Variants in PZP observed in about 807,000 individuals in gnomAD.
PZP encodes pregnancy zone protein.
In PZP, 150 loss-of-function variants were observed where a neutral mutation model predicts 179.8. That is an observed-to-expected ratio of 0.83 (90% CI 0.73 to 0.96). The LOEUF (loss-of-function observed/expected upper bound fraction) is 0.96, where lower values mean the gene tolerates loss of function less well. Ranked by LOEUF, PZP falls within the 40% of genes least tolerant of loss-of-function variation. The pLI is 0.00. For synonymous variants in PZP, 624 were observed against 652.3 expected, an observed-to-expected ratio of 0.96 and a Z score of 0.66; for missense variants, 1,689 against 1,764.0, an observed-to-expected ratio of 0.96 and a Z score of 0.76.
intron 33 of PZP, 114 bp from the exon 34 acceptor site, chr12:9,150,860 C>G (rs1940305689): frequency 1.0e-5 from 7 of 697,216 alleles, no homozygotes; most frequent in Non-Finnish European, 1.7e-5. Context: ...TTTAGGTGAC[C>G]AGACATTTGT....
chr12:9,161,910 T>C (rs1293931670), intron 22 of PZP, among the ~76,000 whole-genome samples: 1 of 152,200 alleles, frequency 6.6e-6, no homozygotes, highest in African/African-American at 2.4e-5. Flanking sequence ...AGACTATCTC[T>C]TGGGATTCAA....
At position 9,154,693 on chromosome 12, in the gene PZP, C is replaced by A; in HGVS notation, c.3697G>T (p.Asp1233Tyr). The change falls in exon 29 of 36, where the codon GAC (aspartate) becomes TAC (tyrosine). Residue 1233 changes from aspartate to tyrosine, a missense_variant. Transcript: ENST00000261336. ...ACAATGTTAGTTGCAGAGGTCAGGT[C>A]CCCTGAGGTGGGGGCTGGCTGGGCC... The part of the protein sequence containing the change: ...LTAQPAPTSG[D>Y]LTSATNIVKW... The A allele has an allele frequency of 6.2e-7, 1 of 1,614,144 alleles. No individual in the cohort carries two copies. The highest frequency in any genetic ancestry group is 1.6e-4 in the Middle Eastern group (1 of 6,062).
At chr12:9,167,160 T>C (rs1266790013) in intron 17 of PZP, 1 of 152,226 alleles carries the variant, frequency 6.6e-6, no homozygotes, top group Non-Finnish European at 1.5e-5. Flanking sequence ...ACTCTTATCT[T>C]AAATATTGAA....
rs747063816 is a variant in PZP, at chr12:9,196,672, C to T, written c.881G>A (p.Gly294Asp). 4 of 1,609,520 alleles carry T rather than the reference C, an allele frequency of 2.5e-6. No homozygotes were observed. In the South Asian group the frequency reaches 3.3e-5, roughly 13 times the overall value. ...EEFSQQLNSN[G>D]CITQQVHTKM... ...GGTGTGTACTTGTTGGGTGATGCAG[C>T]CATTGCTGTTAAGCTGAGAAAAATA... is the stretch of plus-strand genomic sequence containing the variant. The change falls in exon 9 of 36, where the codon GGC (glycine) becomes GAC (aspartate). Residue 294 changes from glycine to aspartate, a missense_variant. Coordinates refer to ENST00000261336, the MANE Select transcript of PZP (RefSeq NM_002864.3).
At chr12:9,203,378 G>A (rs1288662886) in intron 2 of PZP, among the ~76,000 whole-genome samples, 12 of 118,594 alleles carry the variant, frequency 1.0e-4, no homozygotes, top group African/African-American at 4.0e-4. Flanking sequence ...GTCTCGCTCT[G>A]TCGCCCAGGC....
chr12:9,200,811 A>G (rs1300127320), intron 6 of PZP, 81 bp downstream of exon 6: 3 of 1,418,322 alleles, frequency 2.1e-6, no homozygotes, highest in Admixed American at 2.1e-5. Context: ...CAACATATCT[A>G]CAGGAAATTC....
intron 13 of PZP, among the ~76,000 whole-genome samples, chr12:9,187,098 A>T (rs1418812738): frequency 2.0e-5 from 3 of 149,578 alleles, no homozygotes; most frequent in Non-Finnish European, 4.5e-5. Context: ...AAAAAAGACA[A>T]GAGAATTGCA....
chr12:9,140,134 C>G, the PZP span, among the ~76,000 whole-genome samples: 1 of 152,140 alleles, frequency 6.6e-6, no homozygotes, highest in Admixed American at 6.5e-5. Context: ...CTGACATTAG[C>G]CATTAGGCTG....
intron 10 of PZP, 121 bp from the exon 11 acceptor site, chr12:9,194,359 C>G (rs1943627516): frequency 1.2e-6 from 1 of 818,068 alleles, no homozygotes; most frequent in African/African-American, 1.7e-5. Context: ...AAAAACCCCA[C>G]CAAACCTTCA....
In PZP at chr12:9,197,012, C is replaced by T. The variant is rs751614399; in HGVS notation, c.867G>A (p.Gln289=). Residue 289 remains glutamine (Q), a splice_region_variant and synonymous_variant, in exon 8 of 36, where the codon CAG becomes CAA. Coordinates refer to ENST00000261336, the MANE Select transcript of PZP (RefSeq NM_002864.3). ...CTGAGGGAGAATACCGCCTACTAAC[C>T]TGTTGACTGAATTCCTCACAGACCT... ...KQEVCEEFSQ[Q]LNSNGCITQQ... 6.3e-6 allele frequency: 10 copies of T among 1,596,238 alleles called. No homozygotes were observed. The highest frequency in any genetic ancestry group is 1.1e-5 in the South Asian group (1 of 90,616).
Position 9,200,377 on chromosome 12 carries a change from T to G in PZP, c.742A>C (p.Thr248Pro). 1.2e-6 allele frequency: 2 copies of G among 1,606,372 alleles called. No homozygotes were observed. The highest frequency in any genetic ancestry group is 4.5e-5 in the East Asian group (2 of 44,776). The change falls in exon 7 of 36, where the codon ACA becomes CCA. Residue 248 changes from threonine (T) to proline (P), a missense_variant. Coordinates refer to ENST00000261336, the MANE Select transcript of PZP (RefSeq NM_002864.3). ...ISIMDEKVNITVCGEYTYGKP... is the reference protein window; with the variant it reads ...ISIMDEKVNIPVCGEYTYGKP... ...AATGTAACTCACTCTCCACAGACTG[T>G]TATGTTCACTTTTTCATCCATGATA...
chr12:9,180,899 C>T (rs1473316396), intron 15 of PZP, 84 bp downstream of exon 15: 7 of 1,450,404 alleles, frequency 4.8e-6, no homozygotes, highest in African/African-American at 2.9e-5. Context: ...GCAACCTACT[C>T]ATCTGACAAA....
At chr12:9,176,492 A>G (rs747394548) in intron 15 of PZP, among the ~76,000 whole-genome samples, 18 of 152,244 alleles carry the variant, frequency 1.2e-4, no homozygotes, top group Non-Finnish European at 1.5e-4. Context: ...AATAAAACGC[A>G]GTCCATATTC....
At chr12:9,168,789 T>C in intron 17 of PZP, 80 bp downstream of exon 17, 1 of 1,063,022 alleles carries the variant, frequency 9.4e-7, no homozygotes, top group Non-Finnish European at 1.4e-6. Flanking sequence ...GAAATAGGGC[T>C]ACATTACCTC....
Position 9,152,898 on chromosome 12 carries a change from T to G in PZP, c.4047A>C (p.Leu1349Phe), listed in dbSNP as rs1360307333. 10 of 1,614,174 alleles carry G rather than the reference T, an allele frequency of 6.2e-6. No homozygotes were observed. The highest frequency in any genetic ancestry group is 8.5e-6 in the Non-Finnish European group (10 of 1,180,022). ...AAGTTTGGGGCACAGTCTGCACTTT[T>G]AAAGCAAATGGGGAGTCCTCTTTCT... The part of the protein sequence containing the change: ...LPEKEDSPFA[L>F]KVQTVPQTCD... Residue 1349 changes from leucine to phenylalanine, a missense_variant, in exon 31 of 36, where the codon TTA (leucine) becomes TTC (phenylalanine). Leu to Phe is a conservative substitution (Grantham distance 22). Coordinates refer to ENST00000261336, the MANE Select transcript of PZP (RefSeq NM_002864.3).
chr12:9,139,196 A>G, the PZP span, among the ~76,000 whole-genome samples: 3 of 151,998 alleles, frequency 2.0e-5, no homozygotes, highest in Non-Finnish European at 1.5e-5. Flanking sequence ...TGACTTTTCA[A>G]GAGTCTGTTG....
intron 7 of PZP, 85 bp downstream of exon 7, chr12:9,200,279 A>T (rs1592563808): frequency 1.1e-6 from 1 of 890,324 alleles, no homozygotes; most frequent in East Asian, 2.6e-5. Flanking sequence ...GTGCTGAGGC[A>T]AAGTAAATTT....
intron 15 of PZP, among the ~76,000 whole-genome samples, chr12:9,174,753 A>G (rs1259281243): frequency 2.6e-5 from 4 of 152,216 alleles, no homozygotes; most frequent in Non-Finnish European, 5.9e-5. Context: ...ACAGCTAACA[A>G]GGGAAGTGAA....
chr12:9,205,534 A>G (rs1354974227), intron 1 of PZP, among the ~76,000 whole-genome samples: 1 of 152,230 alleles, frequency 6.6e-6, no homozygotes, highest in Non-Finnish European at 1.5e-5. Flanking sequence ...ACTTGAATCC[A>G]TAACAGATAG....
Sources: allele counts gnomAD v4.1 joint callset (sites outside exome capture counted in the v4.1 genomes callset), GRCh38; gene constraint gnomAD v4.1.1; transcripts MANE v1.5; gene names NCBI Gene and HGNC (gene_info 2026-07-23, HGNC 2026-07-21).